The following CCNJL variants were observed in gnomAD, a reference collection of about 807,000 sequenced individuals.
The protein encoded by CCNJL is cyclin-J-like protein.
Under a neutral mutation model 33.4 loss-of-function variants are expected in CCNJL, and 33 were observed. That is an observed-to-expected ratio of 0.99 (90% confidence interval 0.75 to 1.32). The LOEUF (loss-of-function observed/expected upper bound fraction) is 1.32, where lower values mean the gene tolerates loss of function less well. Among genes scored for constraint, CCNJL ranks in the 40% most tolerant of loss-of-function variants. The pLI, the probability that CCNJL is intolerant of heterozygous loss-of-function variation, is 0.00. For missense variants in CCNJL, 512 were observed against 499.7 expected (o/e 1.02, Z -0.23); for synonymous variants, 227 against 220.9 (o/e 1.03, Z -0.24).
At chr5:160,322,385 G>A (rs1161182138) in intron 1 of CCNJL, among the ~76,000 whole-genome samples, 1 of 152,130 alleles carries the variant, frequency 6.6e-6, no homozygotes, top group Non-Finnish European at 1.5e-5. Flanking sequence ...AAGCAAGTTA[G>A]CTAACCCCAG....
chr5:160,322,962 C>T (rs919226240), intron 1 of CCNJL, among the ~76,000 whole-genome samples: 5 of 149,226 alleles, frequency 3.4e-5, no homozygotes, highest in African/African-American at 9.9e-5. Context: ...AGGCCAGGCG[C>T]GGTGGCTCAC....
chr5:160,312,219 T>G, intron 1 of CCNJL, 145 bp downstream of exon 1: 1 of 490,566 alleles, frequency 2.0e-6, no homozygotes. Flanking sequence ...TTTGCAAAAG[T>G]TGCAGAGAAA....
At chr5:160,275,086 T>G (rs77355710) in intron 3 of CCNJL, among the ~76,000 whole-genome samples, 80 of 110,342 alleles carry the variant, frequency 7.3e-4, no homozygotes, top group South Asian at 3.2e-3. Context: ...GATTTGTGTG[T>G]TTTTTTTTTT....
At chr5:160,277,328 C>A (rs1762048538) in intron 3 of CCNJL, among the ~76,000 whole-genome samples, 1 of 152,146 alleles carries the variant, frequency 6.6e-6, no homozygotes, top group Non-Finnish European at 1.5e-5. Context: ...CGCTGTGATG[C>A]CGATGATTCA....
At chr5:160,331,040 CCT>C (rs1224893954) in intron 1 of CCNJL, among the ~76,000 whole-genome samples, 2 of 152,174 alleles carry the variant, frequency 1.3e-5, no homozygotes, top group Admixed American at 6.5e-5. Context: ...CCTCTAATCC[CCT>C]GTCTTCCATC....
At chr5:160,298,226 G>A (rs907920241) in intron 2 of CCNJL, among the ~76,000 whole-genome samples, 2 of 152,136 alleles carry the variant, frequency 1.3e-5, no homozygotes, top group Admixed American at 1.3e-4. Context: ...CGGGCGTGGT[G>A]GTGCGCACCT....
In CCNJL at chr5:160,249,720, G is replaced by A. The variant is rs1255208366; in HGVS notation, c.*3658C>T. 2 of 151,416 alleles carry A rather than the reference G, an allele frequency of 1.3e-5. No homozygotes were observed. Among genetic ancestry groups the A allele is most frequent in the Non-Finnish European group, 2.9e-5 (2 of 67,932 alleles). The allele number at this position is 151,416 out of a possible 1,614,324, so 9.4% of individuals were successfully genotyped here. A position where few individuals can be genotyped will look rare whatever the true frequency, so the allele number is the denominator to read the frequency against. ...TGAAGCTGCAGTGAGCCGTGACTGTGCCACTGCACTCTAGCCTGGGCCACA... is the reference window on the plus strand; with the variant it reads ...TGAAGCTGCAGTGAGCCGTGACTGTACCACTGCACTCTAGCCTGGGCCACA... On this transcript the variant is annotated 3_prime_UTR_variant, in exon 6 of 6. Coordinates refer to ENST00000257536, the MANE Select transcript of CCNJL (RefSeq NM_001308173.3).
At position 160,250,951 on chromosome 5, in the gene CCNJL, G is replaced by A. The variant is rs1760784847; in HGVS notation, c.*2427C>T. 1 of 152,176 alleles carries A rather than the reference G, an allele frequency of 6.6e-6. No individual in the cohort carries two copies. The highest frequency in any genetic ancestry group is 6.5e-5 in the Admixed American group (1 of 15,270). 9.4% of individuals were successfully genotyped at this position (152,176 alleles called of 1,614,324 possible). ...CATTTTAACAGGTGACAAGATGGAG[G>A]CTCAGAGAGAGGTTGGGTCAACTGC... is the stretch of plus-strand genomic sequence containing the variant. On this transcript the variant is annotated 3_prime_UTR_variant, in exon 6 of 6. Transcript: ENST00000257536.
intron 4 of CCNJL, among the ~76,000 whole-genome samples, chr5:160,255,989 A>G (rs1761047505): frequency 6.6e-6 from 1 of 152,192 alleles, no homozygotes; most frequent in African/African-American, 2.4e-5. Flanking sequence ...CCCAGGCCCA[A>G]GAGATCCTAC....
chr5:160,280,510 T>C lies in CCNJL; in HGVS notation c.280+15A>G. On this transcript the variant is annotated intron_variant, in intron 3 of 5. Coordinates refer to ENST00000257536, the MANE Select transcript of CCNJL (RefSeq NM_001308173.3). The stretch of plus-strand genomic sequence containing the variant: ...GACCGCACAAGCGCGGAGGAAGACG[T>C]AGGTTTTCGCTTACTTGCAAGCAGG... 1 of 1,606,012 alleles carries C rather than the reference T, an allele frequency of 6.2e-7. No individual in the cohort carries two copies.
intron 4 of CCNJL, among the ~76,000 whole-genome samples, chr5:160,256,893 G>T (rs1408502606): frequency 5.3e-5 from 8 of 151,872 alleles, no homozygotes; most frequent in African/African-American, 1.9e-4. Flanking sequence ...ACTCCAGCCT[G>T]GGCGACAGGG....
At position 160,255,661 on chromosome 5, in the gene CCNJL, C is replaced by T. The variant is rs80110930; in HGVS notation, c.631G>A (p.Val211Ile). 9.5e-5 allele frequency: 154 copies of T among 1,614,104 alleles called. 1 individual carries two copies. In the East Asian group the frequency reaches 3.3e-3, roughly 35 times the overall value. Residue 211 changes from valine to isoleucine, a missense_variant, in exon 5 of 6, where the codon GTT (valine) becomes ATT (isoleucine). Coordinates refer to ENST00000257536, the MANE Select transcript of CCNJL (RefSeq NM_001308173.3). ...FQPSVVAAAC[V>I]GASRICLQLS... ...TGCAGGCAAATCCTGGAGGCCCCAA[C>T]ACAGGCCGCAGCGACCACAGAAGGC...
chr5:160,337,890 C>G (rs1259049654), intron 1 of CCNJL, among the ~76,000 whole-genome samples: 3 of 152,132 alleles, frequency 2.0e-5, no homozygotes, highest in Admixed American at 2.0e-4. Flanking sequence ...GACTACAGAT[C>G]ACACACATAC....
chr5:160,302,763 G>A (rs7710402), intron 2 of CCNJL, among the ~76,000 whole-genome samples: 2,840 of 151,768 alleles, frequency 0.019, 103 homozygotes, highest in African/African-American at 0.065. Flanking sequence ...AGTGAGCCAA[G>A]ATCATGCCAC....
intron 3 of CCNJL, among the ~76,000 whole-genome samples, chr5:160,267,496 G>A (rs1283582623): frequency 6.6e-6 from 1 of 152,160 alleles, no homozygotes; most frequent in African/African-American, 2.4e-5. Flanking sequence ...AATAGCTTTT[G>A]TGTATTTTAA....
intron 2 of CCNJL, among the ~76,000 whole-genome samples, chr5:160,297,201 T>G (rs528546669): frequency 1.3e-5 from 2 of 152,278 alleles, no homozygotes; most frequent in East Asian, 3.9e-4. Context: ...AGGTTTTGGG[T>G]CATGGTTTCT....
intron 1 of CCNJL, chr5:160,326,559 G>T: frequency 3.3e-6 from 1 of 299,664 alleles, no homozygotes. Context: ...TATTCAAAAC[G>T]ATTACACTGC....
At chr5:160,318,145 T>C (rs973581094) in intron 1 of CCNJL, among the ~76,000 whole-genome samples, 2 of 152,108 alleles carry the variant, frequency 1.3e-5, no homozygotes, top group Non-Finnish European at 2.9e-5. Context: ...GCCTCCCCAG[T>C]AGCTGGGATT....
intron 2 of CCNJL, 151 bp downstream of exon 2, chr5:160,311,707 G>T: frequency 1.4e-6 from 1 of 711,140 alleles, no homozygotes; most frequent in Non-Finnish European, 2.5e-6. Flanking sequence ...CCCCAATTCC[G>T]CTCAGACACT....
Sources: allele counts gnomAD v4.1 joint callset (sites outside exome capture counted in the v4.1 genomes callset), GRCh38; gene constraint gnomAD v4.1.1; transcripts MANE v1.5; gene names NCBI Gene and HGNC (gene_info 2026-07-23, HGNC 2026-07-21).